CUX2: variants seen among roughly 807,000 people sequenced by gnomAD.
The protein encoded by CUX2 is homeobox protein cut-like 2.
In CUX2, 40 loss-of-function variants were observed where a neutral mutation model predicts 144.8. The observed-to-expected ratio is 0.28, with a 90% CI of 0.21 to 0.36. CUX2 has a LOEUF of 0.36. Ranked by LOEUF, CUX2 falls within the 10% of genes least tolerant of loss-of-function variation. The probability of loss-of-function intolerance (pLI) is 1.00; values close to 1 mark genes in which losing one functional copy is unlikely to be tolerated. For missense variants in CUX2, 1,615 were observed against 1,994.0 expected (o/e 0.81, Z 3.62); for synonymous variants, 827 against 875.6 (o/e 0.94, Z 0.98).
intron 1 of CUX2, among the ~76,000 whole-genome samples, chr12:111,195,088 G>A (rs778429101): frequency 2.0e-5 from 3 of 152,188 alleles, no homozygotes; most frequent in African/African-American, 7.2e-5. Context: ...AAACAGCCCC[G>A]TGGCCAGCCA....
intron 3 of CUX2, among the ~76,000 whole-genome samples, chr12:111,243,496 CTTTTTTTTT>C (rs761276935): frequency 2.5e-5 from 2 of 80,020 alleles, no homozygotes; most frequent in Non-Finnish European, 4.3e-5. Flanking sequence ...GTTGATGTGC[CTTTTTTTTT>C]TTTTTTTTTT....
At chr12:111,139,075 C>T (rs1489564417) in intron 1 of CUX2, among the ~76,000 whole-genome samples, 1 of 151,782 alleles carries the variant, frequency 6.6e-6, no homozygotes, top group Non-Finnish European at 1.5e-5. Context: ...ACTACAGGCC[C>T]GTCTTTGATC....
intron 16 of CUX2, among the ~76,000 whole-genome samples, chr12:111,318,049 C>T (rs1887282785): frequency 6.6e-6 from 1 of 151,438 alleles, no homozygotes; most frequent in Non-Finnish European, 1.5e-5. Flanking sequence ...TCTTATTGGA[C>T]TTGTTTTTGT....
rs189925519 is a variant in CUX2, at chr12:111,074,735, G to A, written c.63+40495G>A. Among the ~76,000 whole-genome samples the A allele has an allele frequency of 1.2e-3, 180 of 152,188 alleles. 4 individuals carry two copies. The highest frequency in any genetic ancestry group is 4.0e-3 in the African/African-American group (167 of 41,426). On this transcript the variant is annotated intron_variant, in intron 1 of 21. Transcript: ENST00000261726. The stretch of plus-strand genomic sequence containing the variant: ...CTGCAGTTCTTGGAAGGCCTGTCAT[G>A]AGGAAAACAGGCAGCGGGTAAACAG...
intron 21 of CUX2, among the ~76,000 whole-genome samples, chr12:111,344,678 G>T (rs981353452): frequency 1.3e-5 from 2 of 152,072 alleles, no homozygotes; most frequent in Non-Finnish European, 2.9e-5. Flanking sequence ...GGGATTGGAG[G>T]GGAGGGTACG....
chr12:111,189,901 G>T (rs989899353), intron 1 of CUX2, among the ~76,000 whole-genome samples: 31 of 152,302 alleles, frequency 2.0e-4, no homozygotes, highest in African/African-American at 7.5e-4. Flanking sequence ...TTTAGCTTTA[G>T]TAGACGCTGC....
At chr12:111,121,467 C>A (rs1874686973) in intron 1 of CUX2, among the ~76,000 whole-genome samples, 2 of 135,654 alleles carry the variant, frequency 1.5e-5, no homozygotes, top group East Asian at 2.5e-4. Context: ...ACCTCCGCCT[C>A]ATGGGTTCAT....
At chr12:111,259,811 AG>A (rs1313109301) in intron 3 of CUX2, among the ~76,000 whole-genome samples, 54 of 149,468 alleles carry the variant, frequency 3.6e-4, no homozygotes, top group African/African-American at 1.3e-3. Context: ...AAAAAAAAAA[AG>A]AAATTAAGAA....
intron 4 of CUX2, among the ~76,000 whole-genome samples, chr12:111,288,657 A>G (rs184215704): frequency 6.6e-5 from 10 of 151,658 alleles, no homozygotes; most frequent in African/African-American, 2.4e-4. Context: ...TGAAACCCCA[A>G]CTCTATTAAA....
chr12:111,137,838 GGT>G (rs1876013841), intron 1 of CUX2, among the ~76,000 whole-genome samples: 1 of 152,198 alleles, frequency 6.6e-6, no homozygotes, highest in Non-Finnish European at 1.5e-5. Context: ...TTTGCTTAGG[GGT>G]GAGCATGGGG....
rs185493500 is a variant in CUX2, at chr12:111,037,398, C to A, written c.63+3158C>A. On this transcript the variant is annotated intron_variant, in intron 1 of 21. Coordinates refer to ENST00000261726, the MANE Select transcript of CUX2 (RefSeq NM_015267.4). This position sits in a 1 kb window ranked among gnomAD's most constrained non-coding sequence, Gnocchi z 5.4. Reference sequence around the variant, plus strand: ...CAGCCCTCCGGAAACGTATATTTTTCAAAAATGGAAGCGTTCCAGTTATTA... The same window carrying A: ...CAGCCCTCCGGAAACGTATATTTTTAAAAAATGGAAGCGTTCCAGTTATTA... Among the ~76,000 whole-genome samples the A allele has an allele frequency of 4.0e-4, 61 of 152,278 alleles. 1 individual carries two copies. In the East Asian group the frequency reaches 0.011, roughly 27 times the overall value.
chr12:111,271,994 C>G (rs1884665824), intron 4 of CUX2, among the ~76,000 whole-genome samples: 1 of 152,194 alleles, frequency 6.6e-6, no homozygotes, highest in Admixed American at 6.5e-5. Flanking sequence ...TTGCAGAAAG[C>G]AAGAAATCTT....
At chr12:111,111,668 C>T (rs1873968098) in intron 1 of CUX2, among the ~76,000 whole-genome samples, 1 of 152,138 alleles carries the variant, frequency 6.6e-6, no homozygotes. Flanking sequence ...GGTACTTGAA[C>T]TTCTGCATTC....
chr12:111,337,201 A>G (rs2136439080), intron 19 of CUX2, among the ~76,000 whole-genome samples: 1 of 151,872 alleles, frequency 6.6e-6, no homozygotes, highest in East Asian at 1.9e-4. Context: ...AAAAATACAA[A>G]AATTAGCCAG....
intron 18 of CUX2, among the ~76,000 whole-genome samples, chr12:111,328,841 G>A (rs1253987122): frequency 2.0e-5 from 3 of 151,710 alleles, no homozygotes; most frequent in African/African-American, 7.3e-5. Context: ...ACCCACCTTG[G>A]CCTCCCAAAG....
At chr12:111,210,361 A>G (rs1420051673) in intron 1 of CUX2, among the ~76,000 whole-genome samples, 1 of 152,152 alleles carries the variant, frequency 6.6e-6, no homozygotes, top group Non-Finnish European at 1.5e-5. Context: ...TGCTTGATAC[A>G]GTAACATTTG....
intron 1 of CUX2, among the ~76,000 whole-genome samples, chr12:111,164,296 C>T (rs1342120167): frequency 6.6e-6 from 1 of 152,074 alleles, no homozygotes; most frequent in African/African-American, 2.4e-5. Context: ...AGAACAGGGG[C>T]GGGACATGGT....
At chr12:111,202,266 G>A (rs1319455971) in intron 1 of CUX2, among the ~76,000 whole-genome samples, 1 of 152,226 alleles carries the variant, frequency 6.6e-6, no homozygotes, top group Non-Finnish European at 1.5e-5. Context: ...CCCCTCACCT[G>A]ACACCTGTCA....
chr12:111,269,233 A>G (rs1467867966), intron 4 of CUX2, among the ~76,000 whole-genome samples: 1 of 152,222 alleles, frequency 6.6e-6, no homozygotes, highest in Non-Finnish European at 1.5e-5. Context: ...CTCGGACTAA[A>G]TCATACTAAA....
Sources: allele counts gnomAD v4.1 joint callset (sites outside exome capture counted in the v4.1 genomes callset), GRCh38; gene constraint gnomAD v4.1.1; non-coding constraint Gnocchi (gnomAD v3.1); transcripts MANE v1.5; gene names NCBI Gene and HGNC (gene_info 2026-07-23, HGNC 2026-07-21).